TDRD1: variants seen among roughly 807,000 people sequenced by gnomAD.
TDRD1 encodes tudor domain containing 1, also known as tudor domain-containing protein 1.
Under a neutral mutation model 140.6 loss-of-function variants are expected in TDRD1, and 37 were observed. The ratio of observed to expected loss-of-function variants is 0.26; its 90% CI spans 0.20 to 0.35. The LOEUF (loss-of-function observed/expected upper bound fraction) is 0.35, where lower values mean the gene tolerates loss of function less well. TDRD1 is among the 10% of genes least tolerant of loss of function. The probability of loss-of-function intolerance (pLI) is 1.00; values close to 1 mark genes in which losing one functional copy is unlikely to be tolerated. For missense variants in TDRD1, 1,243 were observed against 1,393.0 expected, an observed-to-expected ratio of 0.89 and a Z score of 1.71; for synonymous variants, 506 against 475.7, an observed-to-expected ratio of 1.06 and a Z score of -0.83.
At chr10:114,223,177 T>G (rs930103478) in intron 21 of TDRD1, among the ~76,000 whole-genome samples, 1 of 152,234 alleles carries the variant, frequency 6.6e-6, no homozygotes, top group African/African-American at 2.4e-5. Context: ...GCTTCTGGGA[T>G]CAAGGTTAAG....
rs886662749 is a variant in TDRD1, at chr10:114,226,015, T to A, written c.3008-34T>A. On this transcript the variant is annotated intron_variant, in intron 21 of 25. Coordinates refer to ENST00000251864, the Ensembl canonical transcript of TDRD1. ...TTAAAGTAGGAGGAATCACTGACTG[T>A]AAGTTCTTACCTGAGATTTCATTCT... The A allele has an allele frequency of 8.2e-6, 13 of 1,592,698 alleles. No individual in the cohort carries two copies. The Admixed American group carries it at 1.8e-4, about 22-fold the overall frequency.
At chr10:114,211,227 C>A (rs547686707) in intron 13 of TDRD1, among the ~76,000 whole-genome samples, 5 of 152,118 alleles carry the variant, frequency 3.3e-5, no homozygotes, top group Non-Finnish European at 1.5e-5. Flanking sequence ...GTTATTTTGT[C>A]AGCCTTTTGG....
intron 3 of TDRD1, among the ~76,000 whole-genome samples, chr10:114,198,913 G>A (rs1417921403): frequency 6.6e-6 from 1 of 152,136 alleles, no homozygotes; most frequent in East Asian, 1.9e-4. Context: ...TGGTATATAT[G>A]AGGCAAAAAG....
chr10:114,189,620 C>T (rs2033809016), intron 2 of TDRD1, among the ~76,000 whole-genome samples: 1 of 152,162 alleles, frequency 6.6e-6, no homozygotes, highest in Non-Finnish European at 1.5e-5. Context: ...TGGAGACAGT[C>T]TCACTCTGTC....
At chr10:114,227,287 G>C in exon 23 of TDRD1, 2 of 1,609,774 alleles carry the variant, frequency 1.2e-6, no homozygotes, top group Non-Finnish European at 1.7e-6. Flanking sequence ...AAGGCAGAGT[G>C]CTTTAAATAC....
intron 14 of TDRD1, among the ~76,000 whole-genome samples, chr10:114,212,407 A>C (rs750754426): frequency 2.0e-5 from 3 of 152,146 alleles, no homozygotes; most frequent in African/African-American, 4.8e-5. Context: ...TTTGTGATAC[A>C]TATTGTACAT....
At chr10:114,190,381 G>A (rs575697654) in intron 2 of TDRD1, among the ~76,000 whole-genome samples, 2 of 152,242 alleles carry the variant, frequency 1.3e-5, no homozygotes, top group East Asian at 3.9e-4. Flanking sequence ...AAAGTGCAGA[G>A]GGTTTCTGAA....
chr10:114,199,303 G>T, exon 4 of TDRD1: 1 of 1,607,950 alleles, frequency 6.2e-7, no homozygotes. Context: ...ACTTGCCATC[G>T]CTGTGGCCTA....
At chr10:114,191,279 A>G (rs776318711) in intron 3 of TDRD1, among the ~76,000 whole-genome samples, 76 of 152,184 alleles carry the variant, frequency 5.0e-4, no homozygotes, top group Non-Finnish European at 9.8e-4. Flanking sequence ...CAATATCACA[A>G]CTGGGTTATT....
intron 22 of TDRD1, 46 bp from the exon 23 acceptor site, chr10:114,227,022 TTCTG>T (rs778940819): frequency 2.1e-6 from 2 of 960,400 alleles, no homozygotes; most frequent in Non-Finnish European, 3.1e-6. Flanking sequence ...TTTATCTAAA[TTCTG>T]TCTTTTTAAA....
At chr10:114,194,772 T>A (rs1177309928) in intron 3 of TDRD1, among the ~76,000 whole-genome samples, 5 of 150,868 alleles carry the variant, frequency 3.3e-5, no homozygotes, top group African/African-American at 7.3e-5. Flanking sequence ...TTTTTTTTTT[T>A]TTATTAGACA....
upstream of TDRD1, among the ~76,000 whole-genome samples, chr10:114,177,127 T>C (rs2032709301): frequency 6.6e-6 from 1 of 152,168 alleles, no homozygotes; most frequent in Non-Finnish European, 1.5e-5. Context: ...AGTCCGTTAT[T>C]AAATTAGTAA....
intron 21 of TDRD1, among the ~76,000 whole-genome samples, chr10:114,223,656 A>G (rs903236405): frequency 2.0e-5 from 3 of 152,198 alleles, no homozygotes; most frequent in Non-Finnish European, 4.4e-5. Flanking sequence ...TTGGTTCTAT[A>G]AGTATTCTGC....
chr10:114,203,729 C>G (rs2034917858), intron 8 of TDRD1, among the ~76,000 whole-genome samples, 162 bp downstream of exon 8: 1 of 152,188 alleles, frequency 6.6e-6, no homozygotes, highest in Admixed American at 6.6e-5. Flanking sequence ...CTTGCTTCCT[C>G]CCTGTCTTAC....
chr10:114,209,497 T>C (rs369367947), intron 11 of TDRD1, among the ~76,000 whole-genome samples: 6 of 152,354 alleles, frequency 3.9e-5, no homozygotes, highest in South Asian at 2.1e-4. Flanking sequence ...TTCTCCCTTA[T>C]GTTGTGATTT....
intron 11 of TDRD1, among the ~76,000 whole-genome samples, chr10:114,207,538 G>A (rs2035205403): frequency 6.6e-6 from 1 of 152,082 alleles, no homozygotes; most frequent in Admixed American, 6.5e-5. Context: ...ACACATCTTG[G>A]TGGGACAGCT....
At chr10:114,195,811 G>T (rs1396736550) in intron 3 of TDRD1, among the ~76,000 whole-genome samples, 1 of 152,058 alleles carries the variant, frequency 6.6e-6, no homozygotes, top group Non-Finnish European at 1.5e-5. Context: ...TATGCCATTT[G>T]TTTTCTGTTC....
chr10:114,190,461 G>A (rs368723476), intron 2 of TDRD1, among the ~76,000 whole-genome samples: 26 of 152,190 alleles, frequency 1.7e-4, no homozygotes, highest in African/African-American at 6.3e-4. Context: ...CACTAGTCAA[G>A]AAAATTTTGA....
chr10:114,178,074 C>T (rs1203310277), upstream of TDRD1, among the ~76,000 whole-genome samples: 1 of 151,954 alleles, frequency 6.6e-6, no homozygotes, highest in African/African-American at 2.4e-5. Context: ...AACTCCAGAC[C>T]TCAAGTGATC....
Sources: allele counts gnomAD v4.1 joint callset (sites outside exome capture counted in the v4.1 genomes callset), GRCh38; gene constraint gnomAD v4.1.1; transcripts MANE v1.5; gene names NCBI Gene and HGNC (gene_info 2026-07-23, HGNC 2026-07-21).